Variants in AK8 observed in about 807,000 individuals in gnomAD.
AK8 encodes the protein adenylate kinase 8.
AK8 carries 44 observed loss-of-function variants against 54.6 expected under a neutral mutation model. That is an observed-to-expected ratio of 0.81 (90% confidence interval 0.63 to 1.04). AK8 has a LOEUF of 1.04. Ranked by LOEUF, AK8 falls within the 50% of genes least tolerant of loss-of-function variation. AK8 has a pLI of 0.00. For missense variants in AK8, 555 were observed against 613.6 expected (o/e 0.90, Z 1.01); for synonymous variants, 239 against 245.6 (o/e 0.97, Z 0.25).
chr9:132,751,712 T>C (rs1207019742), intron 11 of AK8, among the ~76,000 whole-genome samples: 4 of 152,070 alleles, frequency 2.6e-5, no homozygotes, highest in South Asian at 2.1e-4. Flanking sequence ...AAAGAAGTAC[T>C]GTGCAGCCAC....
At chr9:132,853,357 CAAA>C (rs36114433) in intron 5 of AK8, among the ~76,000 whole-genome samples, 2 of 105,598 alleles carry the variant, frequency 1.9e-5, no homozygotes, top group Non-Finnish European at 3.7e-5. Context: ...GACTCCGCCT[CAAA>C]AAAAAAAAAA....
At chr9:132,754,863 A>G (rs546603769) in intron 11 of AK8, among the ~76,000 whole-genome samples, 17 of 150,522 alleles carry the variant, frequency 1.1e-4, no homozygotes, top group Admixed American at 3.3e-4. Flanking sequence ...ACAATGGTGC[A>G]ATCTTGGCTC....
intron 5 of AK8, among the ~76,000 whole-genome samples, chr9:132,851,864 T>A (rs1186760317): frequency 6.6e-6 from 1 of 152,204 alleles, no homozygotes. Context: ...ATTTAAAATG[T>A]CCAGGATACA....
chr9:132,841,985 C>T (rs1842563945), intron 5 of AK8, among the ~76,000 whole-genome samples: 1 of 152,150 alleles, frequency 6.6e-6, no homozygotes, highest in Non-Finnish European at 1.5e-5. Context: ...CTTGAACTTT[C>T]TCAAGGTGTA....
rs869132555 is a variant in AK8, at chr9:132,781,175, C to CT, written c.1121+11458dup. On this transcript the variant is annotated intron_variant, in intron 11 of 12. Transcript: ENST00000298545. The surrounding 1 kb of genome is among the most constrained non-coding windows in gnomAD (Gnocchi z 4.6). ...TCTTTCTTTGTTTCTTTCTTTCTTTCTTTTTTTTTACTATTATTATTACGT... is the reference window on the plus strand; with the variant it reads ...TCTTTCTTTGTTTCTTTCTTTCTTTCTTTTTTTTTTACTATTATTATTACGT... Among the ~76,000 whole-genome samples the CT allele has an allele frequency of 3.7e-4, 55 of 147,028 alleles. No homozygotes were observed. Among genetic ancestry groups the CT allele is most frequent in the African/African-American group, 1.0e-3 (43 of 40,976 alleles).
intron 11 of AK8, among the ~76,000 whole-genome samples, chr9:132,779,255 A>T (rs10736857): frequency 6.6e-6 from 1 of 152,130 alleles, no homozygotes; most frequent in South Asian, 2.1e-4. Flanking sequence ...ATGTGTTTAC[A>T]CTTCTTAACA....
intron 9 of AK8, among the ~76,000 whole-genome samples, chr9:132,820,676 C>G (rs182727311): frequency 3.3e-5 from 5 of 152,352 alleles, no homozygotes; most frequent in Admixed American, 3.3e-4. Context: ...TATATACTCC[C>G]ATCATCCTAA....
intron 11 of AK8, among the ~76,000 whole-genome samples, chr9:132,785,235 C>A (rs1237656519): frequency 6.6e-6 from 1 of 151,892 alleles, no homozygotes; most frequent in African/African-American, 2.4e-5. Flanking sequence ...TCCTGAGTAG[C>A]TGGGACTACA....
At chr9:132,854,094 A>C (rs1242275920) in intron 5 of AK8, among the ~76,000 whole-genome samples, 1 of 152,112 alleles carries the variant, frequency 6.6e-6, no homozygotes, top group East Asian at 1.9e-4. Context: ...CCAGCTACTC[A>C]GGAGGCTGAG....
At position 132,790,568 on chromosome 9, in the gene AK8, C is replaced by A. The variant is rs575751099; in HGVS notation, c.1121+2066G>T. On this transcript the variant is annotated intron_variant, in intron 11 of 12. Transcript: ENST00000298545. This position sits in a 1 kb window ranked among gnomAD's most constrained non-coding sequence, Gnocchi z 4.1. ...CCCGGCCAACTTCTTTAACTTCATA[C>A]AAATTGTATGCACTTCAAACCAAAA... 6.6e-6 allele frequency among the ~76,000 whole-genome samples: 1 copy of A among 152,132 alleles called. No homozygotes were observed. Among genetic ancestry groups the A allele is most frequent in the Admixed American group, 6.6e-5 (1 of 15,266 alleles).
In AK8 at chr9:132,817,159, C is replaced by G. The variant is rs199656687; in HGVS notation, c.890-2432G>C. ...AGATTCCAGAAAGGGCAGACCTTAG[C>G]TGCAGGGATACTCTAGCCCTAGAGT... On this transcript the variant is annotated intron_variant, in intron 9 of 12. Transcript: ENST00000298545. Among the ~76,000 whole-genome samples, 17 of 152,320 alleles carry G rather than the reference C, an allele frequency of 1.1e-4. No individual in the cohort carries two copies. The East Asian group carries it at 2.7e-3, about 24-fold the overall frequency.
At position 132,863,723 on chromosome 9, in the gene AK8, A is replaced by G. The variant is rs752043034; in HGVS notation, c.275T>C (p.Ile92Thr). 1 of 1,614,162 alleles carries G rather than the reference A, an allele frequency of 6.2e-7. No homozygotes were observed. Residue 92 changes from isoleucine to threonine, a missense_variant, in exon 4 of 13, where the codon ATC becomes ACC. Transcript: ENST00000298545. ...NSSLLTLENL[I>T]LNEFSYTATE... ...GGCCGTATAGGAAAACTCATTTAAG[A>G]TCAGGTTCTCCAGGGTGAGGAGACT...
At chr9:132,809,108 C>A (rs451714) in intron 10 of AK8, among the ~76,000 whole-genome samples, 31,069 of 152,188 alleles carry the variant, frequency 0.2, 3,459 homozygotes, top group East Asian at 0.43. Flanking sequence ...AAACTCCTAA[C>A]AGGCAGGGGA....
chr9:132,796,548 G>A (rs578138490), intron 10 of AK8, among the ~76,000 whole-genome samples: 4 of 152,152 alleles, frequency 2.6e-5, no homozygotes, highest in South Asian at 2.1e-4. Flanking sequence ...TCCATCAATA[G>A]AGGACAGATT....
chr9:132,814,270 C>A (rs1321438424), intron 10 of AK8, among the ~76,000 whole-genome samples: 3 of 116,942 alleles, frequency 2.6e-5, no homozygotes, highest in Non-Finnish European at 5.0e-5. Context: ...CAGATTGATA[C>A]CCTGTCTCAA....
chr9:132,748,974 A>G (rs1275686410), intron 11 of AK8, among the ~76,000 whole-genome samples: 2 of 151,766 alleles, frequency 1.3e-5, no homozygotes, highest in African/African-American at 4.8e-5. Context: ...TCCCGGGTTC[A>G]AGCGATTCTC....
At chr9:132,774,238 G>C (rs1008140312) in intron 11 of AK8, among the ~76,000 whole-genome samples, 20 of 152,192 alleles carry the variant, frequency 1.3e-4, no homozygotes, top group African/African-American at 4.6e-4. Context: ...ATGGGGTGGG[G>C]GTGGCTCTGA....
intron 3 of AK8, among the ~76,000 whole-genome samples, chr9:132,866,685 A>G (rs2131421791): frequency 6.6e-6 from 1 of 152,296 alleles, no homozygotes; most frequent in African/African-American, 2.4e-5. Context: ...ATGCTAAAGG[A>G]ATGCTCATCT....
At chr9:132,835,808 C>T (rs1371848594) in intron 5 of AK8, among the ~76,000 whole-genome samples, 1 of 152,112 alleles carries the variant, frequency 6.6e-6, no homozygotes, top group Admixed American at 6.5e-5. Context: ...GACAACACAG[C>T]GAGACCCCGC....
Sources: gnomAD v4.1 joint callset for allele counts (sites outside exome capture counted in the v4.1 genomes callset) on GRCh38, gnomAD v4.1.1 for gene constraint, Gnocchi (gnomAD v3.1) non-coding constraint, MANE v1.5 for transcripts, NCBI Gene and HGNC (gene_info 2026-07-23, HGNC 2026-07-21) for gene names.